SRGAP1: variants seen among roughly 807,000 people sequenced by gnomAD.
The protein encoded by SRGAP1 is SLIT-ROBO Rho GTPase activating protein 1.
A neutral mutation model predicts 121.9 loss-of-function variants in SRGAP1; 43 were observed. That is an observed-to-expected ratio of 0.35 (90% CI 0.28 to 0.46). The LOEUF (loss-of-function observed/expected upper bound fraction) is 0.46, where lower values mean the gene tolerates loss of function less well. SRGAP1 is among the 20% of genes least tolerant of loss of function. The pLI, the probability that SRGAP1 is intolerant of heterozygous loss-of-function variation, is 1.00. For synonymous variants in SRGAP1, 447 were observed against 485.4 expected, an observed-to-expected ratio of 0.92 and a Z score of 1.04; for missense variants, 1,102 against 1,350.9, an observed-to-expected ratio of 0.82 and a Z score of 2.89.
rs151281155 is a variant in SRGAP1, at chr12:64,125,243, C to T, written c.2225-734C>T. ...AATCTTTTGAGATTGGCTTTTTTCA[C>T]TCACCATCATTCCCTTGAATATCTT... On this transcript the variant is annotated intron_variant, in intron 18 of 21. Coordinates refer to ENST00000355086, the MANE Select transcript of SRGAP1 (RefSeq NM_020762.4). 2.9e-3 allele frequency among the ~76,000 whole-genome samples: 447 copies of T among 152,248 alleles called. 1 individual carries two copies. Among genetic ancestry groups the T allele is most frequent in the Non-Finnish European group, 5.3e-3 (362 of 68,006 alleles).
In SRGAP1 at chr12:64,097,320, G is replaced by A. The variant is rs747493570; in HGVS notation, c.1758G>A (p.Gly586=). 2 of 1,613,288 alleles carry A rather than the reference G, an allele frequency of 1.2e-6. No homozygotes were observed. The highest frequency in any genetic ancestry group is 1.7e-6 in the Non-Finnish European group (2 of 1,179,828). Residue 586 remains glycine, a synonymous_variant, in exon 15 of 22, where the codon GGG becomes GGA. Coordinates refer to ENST00000355086, the MANE Select transcript of SRGAP1 (RefSeq NM_020762.4). ...GCGTTCTGAAGCTCTATTTCCGTGG[G>A]CTGGAAAACCCCCTCTTTCCTAAGG... ...VAGVLKLYFR[G]LENPLFPKER...
At chr12:63,860,713 A>C (rs1489327308) in intron 1 of SRGAP1, among the ~76,000 whole-genome samples, 4 of 152,098 alleles carry the variant, frequency 2.6e-5, no homozygotes, top group African/African-American at 4.8e-5. Context: ...TATGTTTATT[A>C]GTCTTTTCAA....
chr12:63,950,499 G>A (rs1747738637), intron 1 of SRGAP1, among the ~76,000 whole-genome samples: 1 of 151,904 alleles, frequency 6.6e-6, no homozygotes, highest in South Asian at 2.1e-4. Context: ...GCAGGATGAT[G>A]GCTCTAACGT....
chr12:63,954,688 A>AAAAAAAAAAAAG (rs57230527), intron 1 of SRGAP1, among the ~76,000 whole-genome samples: 40,099 of 123,870 alleles, frequency 0.32, 7,250 homozygotes, highest in South Asian at 0.4. Flanking sequence ...AAAAAAAAAA[A>AAAAAAAAAAAAG]AAAAGAAAAG....
At position 64,042,778 on chromosome 12, in the gene SRGAP1, A is replaced by G. The variant is rs763400371; in HGVS notation, c.490-12A>G. ...CAGACATCTTGTAACAATTTGGGTC[A>G]CTTTTCCACAGGTGATGAAAACATA... On this transcript the variant is annotated splice_polypyrimidine_tract_variant and intron_variant, in intron 4 of 21. Transcript: ENST00000355086. The G allele has an allele frequency of 6.2e-7, 1 of 1,609,050 alleles. No homozygotes were observed. Among genetic ancestry groups the G allele is most frequent in the South Asian group, 1.1e-5 (1 of 90,554 alleles).
At chr12:63,993,550 T>C (rs1266190366) in intron 3 of SRGAP1, among the ~76,000 whole-genome samples, 2 of 152,196 alleles carry the variant, frequency 1.3e-5, no homozygotes, top group Non-Finnish European at 2.9e-5. Flanking sequence ...TTCAATAATG[T>C]CCCCATGTCT....
intron 1 of SRGAP1, among the ~76,000 whole-genome samples, chr12:63,851,321 G>A (rs1899065978): frequency 6.6e-6 from 1 of 151,980 alleles, no homozygotes; most frequent in Non-Finnish European, 1.5e-5. Flanking sequence ...GGCCAAGCAC[G>A]GTGGCTCACA....
chr12:63,912,872 ATAATAT>A (rs1362187977), intron 1 of SRGAP1, among the ~76,000 whole-genome samples: 1 of 152,156 alleles, frequency 6.6e-6, no homozygotes, highest in East Asian at 1.9e-4. Context: ...GGAAGTTTAG[ATAATAT>A]TAATAAGCTC....
intron 1 of SRGAP1, among the ~76,000 whole-genome samples, chr12:63,959,640 T>C (rs1291145464): frequency 6.6e-6 from 1 of 152,150 alleles, no homozygotes; most frequent in Non-Finnish European, 1.5e-5. Flanking sequence ...ATAAACAGTA[T>C]GTTTTTCTGA....
At chr12:63,877,604 C>T (rs756060641) in intron 1 of SRGAP1, among the ~76,000 whole-genome samples, 1 of 152,166 alleles carries the variant, frequency 6.6e-6, no homozygotes, top group Non-Finnish European at 1.5e-5. Context: ...TTACAACTAT[C>T]TGGTTACTTC....
chr12:63,846,490 C>T (rs1898906175), intron 1 of SRGAP1, among the ~76,000 whole-genome samples: 1 of 152,158 alleles, frequency 6.6e-6, no homozygotes, highest in African/African-American at 2.4e-5. Flanking sequence ...TTTATGTTTG[C>T]TGTAAGGTCA....
intron 4 of SRGAP1, among the ~76,000 whole-genome samples, chr12:64,024,221 C>G (rs1401668465): frequency 6.6e-6 from 1 of 152,102 alleles, no homozygotes; most frequent in Non-Finnish European, 1.5e-5. Context: ...CAGTTGAGCC[C>G]AGTTCAAGAC....
intron 1 of SRGAP1, among the ~76,000 whole-genome samples, chr12:63,924,611 C>A (rs1208594444): frequency 6.6e-6 from 1 of 152,178 alleles, no homozygotes; most frequent in Non-Finnish European, 1.5e-5. Flanking sequence ...CAAATTTATA[C>A]CCTAGTGAAC....
chr12:64,151,132 A>G lies in SRGAP1; in HGVS notation c.*8460A>G, dbSNP rs1200941577. On this transcript the variant is annotated 3_prime_UTR_variant, in exon 22 of 22. Coordinates refer to ENST00000355086, the MANE Select transcript of SRGAP1 (RefSeq NM_020762.4). ...GTCATAAGTCAAACTCAGTTACTAGACTTCAACAAATACCAACCCATGCCT... is the reference window on the plus strand; with the variant it reads ...GTCATAAGTCAAACTCAGTTACTAGGCTTCAACAAATACCAACCCATGCCT... 2.6e-5 allele frequency: 4 copies of G among 152,058 alleles called. No homozygotes were observed. Among genetic ancestry groups the G allele is most frequent in the Admixed American group, 2.6e-4 (4 of 15,246 alleles). The allele number at this position is 152,058 out of a possible 1,614,324, so 9.4% of individuals were successfully genotyped here.
intron 1 of SRGAP1, among the ~76,000 whole-genome samples, chr12:63,857,447 T>G (rs1899292268): frequency 1.3e-5 from 2 of 151,804 alleles, no homozygotes; most frequent in Non-Finnish European, 1.5e-5. Context: ...AGTGGCATGG[T>G]CTCGGCTCAC....
chr12:63,900,198 C>CTTT (rs140960323), intron 1 of SRGAP1, among the ~76,000 whole-genome samples: 90 of 100,584 alleles, frequency 8.9e-4, no homozygotes, highest in East Asian at 2.5e-3. Flanking sequence ...TTTTCTTTTT[C>CTTT]TTTTTCTTTT....
chr12:64,086,318 G>A (rs2035938318), intron 10 of SRGAP1, among the ~76,000 whole-genome samples: 1 of 152,152 alleles, frequency 6.6e-6, no homozygotes, highest in Non-Finnish European at 1.5e-5. Context: ...CAGATTGTCG[G>A]AGCCCTACAA....
chr12:64,090,717 G>C (rs1372005717), intron 11 of SRGAP1, among the ~76,000 whole-genome samples: 1 of 152,122 alleles, frequency 6.6e-6, no homozygotes. Context: ...GCATGCGCCT[G>C]TAGTCCTAGC....
chr12:63,951,882 T>TA (rs1388917548), intron 1 of SRGAP1, among the ~76,000 whole-genome samples: 1 of 152,208 alleles, frequency 6.6e-6, no homozygotes, highest in Non-Finnish European at 1.5e-5. Context: ...GAAAACATTT[T>TA]ATTGCTTAGA....
Sources: gnomAD v4.1 joint callset for allele counts (sites outside exome capture counted in the v4.1 genomes callset) on GRCh38, gnomAD v4.1.1 for gene constraint, MANE v1.5 for transcripts, NCBI Gene and HGNC (gene_info 2026-07-23, HGNC 2026-07-21) for gene names.